ZNF678: variants seen among roughly 807,000 people sequenced by gnomAD.
ZNF678 encodes zinc finger protein 678, also known as hypothetical protein MGC42493.
ZNF678 carries 5 observed loss-of-function variants against 3.0 expected under a neutral mutation model. The observed-to-expected ratio is 1.69, with a 90% CI of 0.88 to 3.56. ZNF678 has a LOEUF of 3.56. ZNF678 is among the 30% of genes most tolerant of loss of function. ZNF678 has a pLI of 0.00. For missense variants in ZNF678, 593 were observed against 605.0 expected (o/e 0.98, Z 0.21); for synonymous variants, 218 against 199.6 (o/e 1.09, Z -0.78).
intron 1 of ZNF678, among the ~76,000 whole-genome samples, chr1:227,576,962 C>T (rs1657002244): frequency 6.6e-6 from 1 of 152,202 alleles, no homozygotes; most frequent in South Asian, 2.1e-4. Context: ...CAAAGAACTT[C>T]CTGACTTCCA....
downstream of ZNF678, among the ~76,000 whole-genome samples, chr1:227,665,414 C>G (rs970733596): frequency 6.6e-6 from 1 of 152,208 alleles, no homozygotes; most frequent in Non-Finnish European, 1.5e-5. Flanking sequence ...TAATGACTCA[C>G]TTTTGACCAA....
At chr1:227,648,638 T>C (rs1659016387) in intron 2 of ZNF678, among the ~76,000 whole-genome samples, 1 of 152,078 alleles carries the variant, frequency 6.6e-6, no homozygotes. Flanking sequence ...GCCAACATAA[T>C]GAAACCCCAT....
intron 1 of ZNF678, among the ~76,000 whole-genome samples, chr1:227,565,712 A>G (rs754336713): frequency 1.3e-5 from 2 of 152,254 alleles, no homozygotes; most frequent in Non-Finnish European, 2.9e-5. Context: ...AAAATCTTTG[A>G]AAACTTTGGA....
intron 1 of ZNF678, among the ~76,000 whole-genome samples, chr1:227,643,610 A>G (rs1658877804): frequency 6.6e-6 from 1 of 152,224 alleles, no homozygotes. Context: ...CCAAACAGAT[A>G]AATGGGAGCC....
At chr1:227,566,068 C>T (rs975261894) in intron 1 of ZNF678, among the ~76,000 whole-genome samples, 10 of 152,316 alleles carry the variant, frequency 6.6e-5, no homozygotes, top group Non-Finnish European at 7.4e-5. Context: ...GCTCCTCAGC[C>T]ACTCTTATCC....
rs1307344069 is a variant in ZNF678, at chr1:227,655,748, C to T, written c.1498C>T (p.Gln500Ter). ...KCKECGKGFY[Q>*]SSIHSKYKRI... is the part of the protein sequence containing the mutation. ...TAAAGAATGTGGAAAAGGTTTTTAC[C>T]AATCCTCAATCCATAGTAAGTATAA... Residue 500 changes from glutamine to a stop codon, truncating the protein, a stop_gained, in exon 4 of 4, where the codon CAA becomes TAA. Coordinates refer to ENST00000343776, the MANE Select transcript of ZNF678 (RefSeq NM_001367909.1). LOFTEE classifies it low-confidence loss of function (END_TRUNC). 5.0e-6 allele frequency: 8 copies of T among 1,611,582 alleles called. No homozygotes were observed. Among genetic ancestry groups the T allele is most frequent in the Non-Finnish European group, 6.8e-6 (8 of 1,178,730 alleles).
chr1:227,672,036 C>A (rs1428893369), intron 5 of ZNF678, among the ~76,000 whole-genome samples: 1 of 151,924 alleles, frequency 6.6e-6, no homozygotes, highest in Admixed American at 6.5e-5. Flanking sequence ...CCATGCAGAG[C>A]AAAATGCAAA....
chr1:227,668,723 G>T (rs1208343531), intron 5 of ZNF678, among the ~76,000 whole-genome samples: 4 of 152,142 alleles, frequency 2.6e-5, no homozygotes, highest in Non-Finnish European at 5.9e-5. Flanking sequence ...AATCTACTTT[G>T]AGTTAAATTT....
At chr1:227,626,282 C>G (rs1658413096) in intron 1 of ZNF678, among the ~76,000 whole-genome samples, 2 of 152,168 alleles carry the variant, frequency 1.3e-5, no homozygotes, top group Admixed American at 6.5e-5. Context: ...CCTGGATTTT[C>G]TGGTTCCTTT....
intron 1 of ZNF678, among the ~76,000 whole-genome samples, chr1:227,567,970 G>T (rs1656739192): frequency 6.6e-6 from 1 of 152,166 alleles, no homozygotes; most frequent in South Asian, 2.1e-4. Context: ...TAGAAAGAAT[G>T]TGGGAAGGGG....
At chr1:227,653,950 A>G (rs1558156782) in intron 3 of ZNF678, among the ~76,000 whole-genome samples, 1 of 151,994 alleles carries the variant, frequency 6.6e-6, no homozygotes, top group African/African-American at 2.4e-5. Context: ...TGTGCAATGT[A>G]TTGTTTTTTT....
At chr1:227,568,380 A>C (rs960971202) in intron 1 of ZNF678, among the ~76,000 whole-genome samples, 7 of 150,604 alleles carry the variant, frequency 4.6e-5, no homozygotes, top group African/African-American at 1.7e-4. Flanking sequence ...GGGAATTTGC[A>C]ATCCGTGTCT....
At chr1:227,591,311 G>A in intron 1 of ZNF678, among the ~76,000 whole-genome samples, 1 of 147,632 alleles carries the variant, frequency 6.8e-6, no homozygotes, top group Non-Finnish European at 1.5e-5. Flanking sequence ...GGGTTACACT[G>A]ACCACTGGTA....
At chr1:227,665,991 T>C (rs373663056), downstream of ZNF678, among the ~76,000 whole-genome samples, 153 of 152,352 alleles carry the variant, frequency 1.0e-3, no homozygotes, top group African/African-American at 3.6e-3. Context: ...TCCTGACTTC[T>C]AGTTTAGTGA....
Position 227,654,435 on chromosome 1 carries a change from A to G in ZNF678, c.185A>G (p.Asp62Gly), listed in dbSNP as rs1370654211. ...TLTRHRSWGL[D>G]NLHLVKDWRT... ...ACAAGACATAGAAGCTGGGGCCTTGACAATTTGCACTTAGTGAAAGACTGG... is the reference window on the plus strand; with the variant it reads ...ACAAGACATAGAAGCTGGGGCCTTGGCAATTTGCACTTAGTGAAAGACTGG... Residue 62 changes from aspartate (D) to glycine (G), a missense_variant, in exon 4 of 4, where the codon GAC (aspartate) becomes GGC (glycine). Physicochemically the swap from Asp to Gly is moderately conservative, Grantham distance 94 (BLOSUM62 -1). Coordinates refer to ENST00000343776, the MANE Select transcript of ZNF678 (RefSeq NM_001367909.1). The G allele has an allele frequency of 1.2e-6, 2 of 1,613,078 alleles. No individual in the cohort carries two copies. The highest frequency in any genetic ancestry group is 2.2e-5 in the South Asian group (2 of 90,948).
chr1:227,627,099 G>A (rs1658438423), intron 1 of ZNF678, among the ~76,000 whole-genome samples: 1 of 150,190 alleles, frequency 6.7e-6, no homozygotes, highest in South Asian at 2.2e-4. Flanking sequence ...CGATAAGGCA[G>A]GGGATTATTT....
Position 227,654,387 on chromosome 1 carries a change from A to G in ZNF678, c.137A>G (p.Asp46Gly). 6.2e-7 allele frequency: 1 copy of G among 1,603,714 alleles called. No individual in the cohort carries two copies. Among genetic ancestry groups the G allele is most frequent in the Non-Finnish European group, 8.5e-7 (1 of 1,175,850 alleles). ...QDLLPEQDMK[D>G]LCQKVTLTRH... Reference sequence around the variant, plus strand: ...CTTTTGCCAGAGCAGGATATGAAAGATTTATGCCAAAAAGTGACACTGACA... The same window carrying G: ...CTTTTGCCAGAGCAGGATATGAAAGGTTTATGCCAAAAAGTGACACTGACA... Residue 46 changes from aspartate (D) to glycine (G), a missense_variant, in exon 4 of 4, where the codon GAT becomes GGT. By Grantham distance (94) the Asp-to-Gly change is moderately conservative. Coordinates refer to ENST00000343776, the MANE Select transcript of ZNF678 (RefSeq NM_001367909.1).
chr1:227,568,384 C>T (rs1331050099), intron 1 of ZNF678, among the ~76,000 whole-genome samples: 1 of 148,908 alleles, frequency 6.7e-6, no homozygotes, highest in Non-Finnish European at 1.5e-5. Context: ...ATTTGCAATC[C>T]GTGTCTGGCT....
At chr1:227,602,656 A>C (rs553990031) in intron 1 of ZNF678, among the ~76,000 whole-genome samples, 26 of 152,352 alleles carry the variant, frequency 1.7e-4, no homozygotes, top group Admixed American at 3.9e-4. Context: ...TTTATAACAA[A>C]GGCTAGAATT....
Sources: allele counts gnomAD v4.1 joint callset (sites outside exome capture counted in the v4.1 genomes callset), GRCh38; gene constraint gnomAD v4.1.1; transcripts MANE v1.5; gene names NCBI Gene and HGNC (gene_info 2026-07-23, HGNC 2026-07-21).